KLF12: variants seen among roughly 807,000 people sequenced by gnomAD.
KLF12 encodes Krueppel-like factor 12.
Under a neutral mutation model 37.8 loss-of-function variants are expected in KLF12, and 9 were observed. The observed-to-expected ratio is 0.24, with a 90% CI of 0.14 to 0.42. The LOEUF is 0.42. Ranked by LOEUF, KLF12 falls within the 10% of genes least tolerant of loss-of-function variation. KLF12 has a pLI of 1.00. For missense variants in KLF12, 411 were observed against 516.0 expected (o/e 0.80, Z 1.97); for synonymous variants, 208 against 202.1 (o/e 1.03, Z -0.25).
At chr13:74,276,843 T>C in the KLF12 span, among the ~76,000 whole-genome samples, 1 of 152,208 alleles carries the variant, frequency 6.6e-6, no homozygotes, top group Non-Finnish European at 1.5e-5. Context: ...AACTCCTGCT[T>C]TCAGAGTGAG....
In KLF12 at chr13:73,932,616, C is replaced by A. The variant is rs1463636938; in HGVS notation, c.123+11365G>T. Among the ~76,000 whole-genome samples the A allele has an allele frequency of 2.0e-5, 3 of 152,130 alleles. No homozygotes were observed. The East Asian group carries it at 5.8e-4, about 29-fold the overall frequency. Reference sequence around the variant, plus strand: ...TCTATTGATTTCAAAAATTGATAGACACACAGTGAAATAGAATTTTGCCCA... The same window carrying A: ...TCTATTGATTTCAAAAATTGATAGAAACACAGTGAAATAGAATTTTGCCCA... On this transcript the variant is annotated intron_variant, in intron 3 of 7. Transcript: ENST00000377669.
At chr13:74,031,500 T>A (rs1299681412) in intron 1 of KLF12, among the ~76,000 whole-genome samples, 1 of 152,178 alleles carries the variant, frequency 6.6e-6, no homozygotes, top group African/African-American at 2.4e-5. Flanking sequence ...TGTATGTTAC[T>A]GGTAATAACT....
intron 3 of KLF12, among the ~76,000 whole-genome samples, chr13:73,880,799 C>T (rs1457039344): frequency 1.3e-5 from 2 of 152,036 alleles, no homozygotes; most frequent in African/African-American, 4.8e-5. Context: ...AAATAAATAA[C>T]CTAGCAGTAT....
intron 1 of KLF12, among the ~76,000 whole-genome samples, chr13:74,045,040 A>C (rs77960612): frequency 2.0e-5 from 3 of 152,156 alleles, no homozygotes; most frequent in Non-Finnish European, 4.4e-5. Context: ...TAAGCAGAAT[A>C]ATTCCAAATA....
intron 1 of KLF12, among the ~76,000 whole-genome samples, chr13:74,025,576 AAG>A (rs1892956339): frequency 6.6e-6 from 1 of 152,076 alleles, no homozygotes. Context: ...AAAAAAAAAA[AAG>A]AAAATCAGTG....
intron 5 of KLF12, among the ~76,000 whole-genome samples, chr13:73,809,803 T>G (rs2325566): frequency 0.34 from 51,178 of 151,994 alleles, 9,012 homozygotes; most frequent in East Asian, 0.64. Flanking sequence ...TTCTAGGGCT[T>G]CCCAGTTGTT....
chr13:73,960,680 CTG>C lies in KLF12; in HGVS notation c.34-16612_34-16611del, dbSNP rs375081798. On this transcript the variant is annotated intron_variant, in intron 2 of 7. Transcript: ENST00000377669. ...AAAACTTAAAAATATGCAGCTGAAA[CTG>C]AAACAATGTATTGTCTAAGTTATAT... Among the ~76,000 whole-genome samples, 114 of 152,246 alleles carry C rather than the reference CTG, an allele frequency of 7.5e-4. 2 individuals carry two copies. In the East Asian group the frequency reaches 0.02, roughly 27 times the overall value.
chr13:74,051,376 A>ACACACACG (rs1566519497), intron 1 of KLF12, among the ~76,000 whole-genome samples: 1 of 151,536 alleles, frequency 6.6e-6, no homozygotes, highest in Non-Finnish European at 1.5e-5. Flanking sequence ...ACACACACAC[A>ACACACACG]CAGTGGAATT....
At chr13:73,835,867 G>T (rs936388685) in intron 4 of KLF12, among the ~76,000 whole-genome samples, 2 of 152,082 alleles carry the variant, frequency 1.3e-5, no homozygotes, top group South Asian at 2.1e-4. Context: ...CTACTAAACT[G>T]ATATCCAACC....
intron 6 of KLF12, among the ~76,000 whole-genome samples, chr13:73,744,283 A>T (rs1878211104): frequency 6.6e-6 from 1 of 152,178 alleles, no homozygotes; most frequent in South Asian, 2.1e-4. Flanking sequence ...TCCATAGGAC[A>T]AATAACTGAA....
At chr13:74,092,106 G>A (rs1465582888) in intron 1 of KLF12, among the ~76,000 whole-genome samples, 5 of 151,346 alleles carry the variant, frequency 3.3e-5, no homozygotes, top group African/African-American at 7.3e-5. Flanking sequence ...TGGCTAACAC[G>A]GTGAAACCCC....
At chr13:73,744,868 G>T (rs918597714) in intron 6 of KLF12, among the ~76,000 whole-genome samples, 3 of 152,150 alleles carry the variant, frequency 2.0e-5, no homozygotes, top group Non-Finnish European at 4.4e-5. Context: ...GTGGCTAGTT[G>T]AGTTTACCTT....
chr13:74,119,983 C>T (rs1256887682), intron 1 of KLF12, among the ~76,000 whole-genome samples: 4 of 136,332 alleles, frequency 2.9e-5, no homozygotes, highest in Non-Finnish European at 6.4e-5. Flanking sequence ...TACATATAGA[C>T]AAAAAAAAAA....
the KLF12 span, among the ~76,000 whole-genome samples, chr13:74,174,335 C>CTTTTT: frequency 3.8e-5 from 5 of 133,158 alleles, no homozygotes; most frequent in East Asian, 2.1e-4. Context: ...TCTTTCTTTT[C>CTTTTT]TTTTTTTTTT....
chr13:74,079,248 CA>C (rs1351159067), intron 1 of KLF12, among the ~76,000 whole-genome samples: 1 of 151,996 alleles, frequency 6.6e-6, no homozygotes. Context: ...AGTTACTGTC[CA>C]ATGGGTAAAG....
intron 1 of KLF12, among the ~76,000 whole-genome samples, chr13:74,057,465 G>A (rs969809258): frequency 1.3e-5 from 2 of 152,136 alleles, no homozygotes; most frequent in African/African-American, 2.4e-5. Context: ...AAAAGCAATC[G>A]AAACGATGGC....
intron 1 of KLF12, among the ~76,000 whole-genome samples, chr13:74,122,520 C>G (rs1877690560): frequency 6.6e-6 from 1 of 152,024 alleles, no homozygotes. Flanking sequence ...ATTGATACAT[C>G]TTGAATGGAT....
intron 3 of KLF12, among the ~76,000 whole-genome samples, chr13:73,911,629 T>C (rs1200306840): frequency 6.6e-6 from 1 of 152,244 alleles, no homozygotes; most frequent in Non-Finnish European, 1.5e-5. Context: ...TGAATTTCTA[T>C]GAACTTGAGA....
intron 1 of KLF12, among the ~76,000 whole-genome samples, chr13:74,077,867 A>C (rs1436178742): frequency 6.6e-6 from 1 of 152,078 alleles, no homozygotes; most frequent in Non-Finnish European, 1.5e-5. Flanking sequence ...TTTCTTGTCT[A>C]TGTATTTTCT....
Sources: allele counts gnomAD v4.1 joint callset (sites outside exome capture counted in the v4.1 genomes callset), GRCh38; gene constraint gnomAD v4.1.1; transcripts MANE v1.5; gene names NCBI Gene and HGNC (gene_info 2026-07-23, HGNC 2026-07-21).